The following NOBOX variants were observed in gnomAD, a reference collection of about 807,000 sequenced individuals.
The protein encoded by NOBOX is NOBOX oogenesis homeobox, also known as homeobox protein NOBOX.
Under a neutral mutation model 60.2 loss-of-function variants are expected in NOBOX, and 46 were observed. That is an observed-to-expected ratio of 0.76 (90% CI 0.60 to 0.98). The LOEUF (loss-of-function observed/expected upper bound fraction) is 0.98. Ranked by LOEUF, NOBOX falls within the 50% of genes least tolerant of loss-of-function variation. The pLI is 0.00. For missense variants in NOBOX, 880 were observed against 865.5 expected (o/e 1.02, Z -0.21); for synonymous variants, 360 against 346.3 (o/e 1.04, Z -0.44).
chr7:144,401,422 C>G lies in NOBOX; in HGVS notation c.468G>C (p.Gly156=). 6.2e-7 allele frequency: 1 copy of G among 1,610,924 alleles called. No individual in the cohort carries two copies. The highest frequency in any genetic ancestry group is 8.5e-7 in the Non-Finnish European group (1 of 1,178,218). ...TGGAGCGGGGGGGCGGGCACAGTCT[C>G]CCAGCATCAGCCCCGGTGGCTTCTC... is the stretch of plus-strand genomic sequence containing the variant. The change falls in exon 4 of 10, where the codon GGG becomes GGC. Residue 156 remains glycine, a synonymous_variant. Transcript: ENST00000467773. The surrounding 1 kb of genome is among the most constrained non-coding windows in gnomAD (Gnocchi z 4.2).
At position 144,401,403 on chromosome 7, in the gene NOBOX, G is replaced by C. The variant is rs372165690; in HGVS notation, c.487C>G (p.Arg163Gly). The C allele has an allele frequency of 4.5e-4, 728 of 1,611,638 alleles. 9 individuals are homozygous for C. The South Asian group carries it at 7.0e-3, about 16-fold the overall frequency. Residue 163 changes from arginine (R) to glycine (G), a missense_variant, in exon 4 of 10, where the codon CGC becomes GGC. Physicochemically the swap from Arg to Gly is moderately radical, Grantham distance 125 (BLOSUM62 -2). Transcript: ENST00000467773. The surrounding 1 kb of genome is among the most constrained non-coding windows in gnomAD (Gnocchi z 4.2). Reference sequence around the variant, plus strand: ...CTGTCTTTGTGGGGAGCCCTGGAGCGGGGGGGCGGGCACAGTCTCCCAGCA... The same window carrying C: ...CTGTCTTTGTGGGGAGCCCTGGAGCCGGGGGGCGGGCACAGTCTCCCAGCA...
intron 1 of NOBOX, among the ~76,000 whole-genome samples, chr7:144,405,320 T>A (rs1436611441): frequency 6.6e-6 from 1 of 152,156 alleles, no homozygotes; most frequent in African/African-American, 2.4e-5. Flanking sequence ...GATCATTTGA[T>A]GGTGAAAAAT....
rs1282559953 is a variant in NOBOX, at chr7:144,397,283, A to G, written c.2033T>C (p.Leu678Pro). The G allele has an allele frequency of 6.5e-7, 1 of 1,537,116 alleles. No homozygotes were observed. The highest frequency in any genetic ancestry group is 2.0e-5 in the Admixed American group (1 of 50,992). The stretch of plus-strand genomic sequence containing the variant: ...CTTGTCATCCCCTCTGGCCTCCTCC[A>G]GTGCTGAGGGCTGATCCAGGGAAGC... Residue 678 changes from leucine (L) to proline (P), a missense_variant, in exon 10 of 10, where the codon CTG becomes CCG. Transcript: ENST00000467773.
chr7:144,398,418 G>A lies in NOBOX; in HGVS notation c.1638C>T (p.Pro546=). The A allele has an allele frequency of 6.5e-7, 1 of 1,537,236 alleles. No homozygotes were observed. Among genetic ancestry groups the A allele is most frequent in the Non-Finnish European group, 8.7e-7 (1 of 1,146,924 alleles). The change falls in exon 9 of 10, where the codon CCC becomes CCT. Residue 546 remains proline (P), a synonymous_variant. Coordinates refer to ENST00000467773, the MANE Select transcript of NOBOX (RefSeq NM_001080413.3). The stretch of plus-strand genomic sequence containing the variant: ...CGGGCGGTGGAAGCGTCAGTGAACT[G>A]GGCATGGAGAAGGGGAAAGTGGGGA...
In NOBOX at chr7:144,399,802, C is replaced by T. The variant is rs555678974; in HGVS notation, c.1109G>A (p.Ser370Asn). 4.6e-5 allele frequency: 74 copies of T among 1,613,052 alleles called. No individual in the cohort carries two copies. The South Asian group carries it at 7.4e-4, about 16-fold the overall frequency. ...GCCAGGGGCTGCAGGATTGTCCTTG[C>T]TTTCTTTCCCATTCAGTTTCTCCAT... Residue 370 changes from serine to asparagine, a missense_variant, in exon 6 of 10, where the codon AGC becomes AAC. Ser to Asn is a conservative substitution (Grantham distance 46, BLOSUM62 1). Transcript: ENST00000467773.
chr7:144,398,192 G>T, intron 9 of NOBOX, 90 bp downstream of exon 7: 1 of 1,160,352 alleles, frequency 8.6e-7, no homozygotes, highest in Non-Finnish European at 1.2e-6. Context: ...CCCATGACCT[G>T]CCTCAGTCTA....
At chr7:144,404,061 A>C (rs1290787393) in intron 2 of NOBOX, among the ~76,000 whole-genome samples, 2 of 152,112 alleles carry the variant, frequency 1.3e-5, no homozygotes, top group Non-Finnish European at 2.9e-5. Flanking sequence ...GGCTGGGCCC[A>C]GCCGTGGGGC....
Position 144,404,686 on chromosome 7 carries a change from A to T in NOBOX, c.86-6T>A, listed in dbSNP as rs781705054. The T allele has an allele frequency of 5.6e-6, 9 of 1,613,504 alleles. No individual in the cohort carries two copies. The Admixed American group carries it at 1.5e-4, about 27-fold the overall frequency. On this transcript the variant is annotated splice_polypyrimidine_tract_variant and splice_region_variant and intron_variant, in intron 1 of 9. Transcript: ENST00000467773. ...AGGTACAGCCAGGGGCGGCCCTGCC[A>T]GGGACGGTGTGGTTACTGTGTTTCC...
chr7:144,407,154 A>T (rs1300668846), intron 1 of NOBOX, among the ~76,000 whole-genome samples: 1 of 152,204 alleles, frequency 6.6e-6, no homozygotes, highest in Non-Finnish European at 1.5e-5. Context: ...ATACTAAAAA[A>T]AAAAGTAGTT....
At chr7:144,408,075 C>T (rs565462550) in intron 1 of NOBOX, among the ~76,000 whole-genome samples, 4 of 152,104 alleles carry the variant, frequency 2.6e-5, no homozygotes, top group East Asian at 1.9e-4. Context: ...CCTCAAAACC[C>T]GGCCCCAACC....
intron 2 of NOBOX, 103 bp downstream of exon 1, chr7:144,403,554 A>G (rs1377172530): frequency 3.9e-5 from 13 of 333,968 alleles, no homozygotes; most frequent in Non-Finnish European, 4.7e-5. Context: ...CGGCCTACTG[A>G]AGCTCTTAGG....
chr7:144,409,159 A>G (rs115013677), intron 1 of NOBOX, among the ~76,000 whole-genome samples: 2,896 of 152,332 alleles, frequency 0.019, 96 homozygotes, highest in African/African-American at 0.066. Context: ...ATTCACAGAA[A>G]TAATGTTTTG....
chr7:144,398,996 T>G lies in NOBOX; in HGVS notation c.1423A>C (p.Ser475Arg), dbSNP rs766292591. ...GGGCCGTCCTTGTGGCTGCTGTCAC[T>G]GCCAGCAACATCCATCAGCAGTGGC... Residue 475 changes from serine to arginine, a missense_variant, in exon 8 of 10, where the codon AGT becomes CGT. By Grantham distance (110) the Ser-to-Arg change is moderately radical. Transcript: ENST00000467773. The G allele has an allele frequency of 1.0e-5, 16 of 1,582,304 alleles. No homozygotes were observed. The highest frequency in any genetic ancestry group is 2.3e-5 in the East Asian group (1 of 43,024).
At position 144,401,896 on chromosome 7, in the gene NOBOX, C is replaced by A. The variant is rs182294424; in HGVS notation, c.265G>T (p.Val89Leu). 2.6e-4 allele frequency: 426 copies of A among 1,612,538 alleles called. 1 individual carries two copies. In the African/African-American group the frequency reaches 5.0e-3, roughly 19 times the overall value. The stretch of plus-strand genomic sequence containing the variant: ...CTTGTGAGTTCCCTTTTCCCAGACA[C>A]CAGGGGTATGAGTTTGAGGGACTGT... Residue 89 changes from valine (V) to leucine (L), a missense_variant, in exon 3 of 10, where the codon GTG becomes TTG. Transcript: ENST00000467773. This position sits in a 1 kb window ranked among gnomAD's most constrained non-coding sequence, Gnocchi z 4.2.
Position 144,399,041 on chromosome 7 carries a change from C to T in NOBOX, c.1378G>A (p.Val460Ile). 6.3e-7 allele frequency: 1 copy of T among 1,599,556 alleles called. No individual in the cohort carries two copies. The change falls in exon 8 of 10, where the codon GTC (valine) becomes ATC (isoleucine). Residue 460 changes from valine to isoleucine, a missense_variant. Physicochemically the swap from Val to Ile is conservative, Grantham distance 29 (BLOSUM62 3). Transcript: ENST00000467773. ...AGTGGCATCAGTTGGGGGGTGTGGA[C>T]AGGGCCAAGGGGGAAAGGAAGATCG...
Position 144,397,311 on chromosome 7 carries a change from C to T in NOBOX, c.2005G>A (p.Ala669Thr). Reference sequence around the variant, plus strand: ...GCTGAGGGCTGATCCAGGGAAGCAGCTGGTGGTTCCTCTTTTGCCTTGCTG... The same window carrying T: ...GCTGAGGGCTGATCCAGGGAAGCAGTTGGTGGTTCCTCTTTTGCCTTGCTG... The change falls in exon 10 of 10, where the codon GCT becomes ACT. Residue 669 changes from alanine (A) to threonine (T), a missense_variant. Physicochemically the swap from Ala to Thr is moderately conservative, Grantham distance 58. Transcript: ENST00000467773. 1 of 1,537,324 alleles carries T rather than the reference C, an allele frequency of 6.5e-7. No homozygotes were observed. The highest frequency in any genetic ancestry group is 8.7e-7 in the Non-Finnish European group (1 of 1,146,928).
chr7:144,398,448 G>A lies in NOBOX; in HGVS notation c.1608C>T (p.Pro536=). Residue 536 remains proline (P), a synonymous_variant, in exon 9 of 10, where the codon CCC becomes CCT. Transcript: ENST00000467773. ...TGGAGAAGGGGAAAGTGGGGAGGTA[G>A]GGCAACTTGGGCTGAGGGGACTGGA... 7 of 1,537,256 alleles carry A rather than the reference G, an allele frequency of 4.6e-6. No homozygotes were observed. The highest frequency in any genetic ancestry group is 5.2e-6 in the Non-Finnish European group (6 of 1,146,922).
chr7:144,400,983 A>G (rs1303933859), intron 4 of NOBOX, 63 bp downstream of exon 2: 3 of 1,366,382 alleles, frequency 2.2e-6, no homozygotes, highest in African/African-American at 2.9e-5. Flanking sequence ...GATTCTTCAC[A>G]CAGCCCCACC....
At chr7:144,409,104 G>T (rs1482443389) in intron 1 of NOBOX, among the ~76,000 whole-genome samples, 1 of 152,154 alleles carries the variant, frequency 6.6e-6, no homozygotes. Context: ...GTTGATCCTA[G>T]TGTTCTGACC....
Sources: gnomAD v4.1 joint callset for allele counts (sites outside exome capture counted in the v4.1 genomes callset) on GRCh38, gnomAD v4.1.1 for gene constraint, Gnocchi (gnomAD v3.1) non-coding constraint, MANE v1.5 for transcripts, NCBI Gene and HGNC (gene_info 2026-07-23, HGNC 2026-07-21) for gene names.